GRID1: variants seen among roughly 807,000 people sequenced by gnomAD.
The protein encoded by GRID1 is glutamate receptor ionotropic, delta-1.
In GRID1, 28 loss-of-function variants were observed where a neutral mutation model predicts 98.0. That is an observed-to-expected ratio of 0.29 (90% CI 0.21 to 0.39). GRID1 has a LOEUF of 0.39. Among genes scored for constraint, GRID1 ranks in the 10% least tolerant of loss-of-function variants. The pLI is 1.00. For synonymous variants in GRID1, 553 were observed against 538.5 expected (o/e 1.03, Z -0.37); for missense variants, 1,111 against 1,340.5 (o/e 0.83, Z 2.67).
At chr10:85,995,251 T>A (rs1383408579) in intron 4 of GRID1, among the ~76,000 whole-genome samples, 1 of 152,190 alleles carries the variant, frequency 6.6e-6, no homozygotes, top group African/African-American at 2.4e-5. Flanking sequence ...CGGCCACCTA[T>A]CAGCAATCCT....
chr10:86,030,493 G>A (rs951733762), intron 4 of GRID1, among the ~76,000 whole-genome samples: 7 of 152,230 alleles, frequency 4.6e-5, no homozygotes, highest in African/African-American at 1.7e-4. Context: ...ATGGTTGACA[G>A]CAATCAAACT....
intron 2 of GRID1, among the ~76,000 whole-genome samples, chr10:86,219,205 G>A (rs1027343688): frequency 2.6e-5 from 4 of 152,174 alleles, no homozygotes; most frequent in East Asian, 1.9e-4. Context: ...CCTGCCAATG[G>A]GCAGGTCTAG....
intron 4 of GRID1, among the ~76,000 whole-genome samples, chr10:86,072,721 C>G (rs1019111410): frequency 2.0e-5 from 3 of 152,114 alleles, no homozygotes; most frequent in Non-Finnish European, 4.4e-5. Context: ...CCACCTACCC[C>G]ACCCCTTTCC....
At chr10:86,258,980 C>G (rs1451915484) in intron 2 of GRID1, among the ~76,000 whole-genome samples, 1 of 152,214 alleles carries the variant, frequency 6.6e-6, no homozygotes, top group East Asian at 1.9e-4. Context: ...CAAAACCAGT[C>G]TTAGTTTATG....
At chr10:85,691,836 C>G (rs900734400) in intron 12 of GRID1, among the ~76,000 whole-genome samples, 3 of 152,140 alleles carry the variant, frequency 2.0e-5, no homozygotes, top group African/African-American at 7.2e-5. Flanking sequence ...CTGGGCTTGT[C>G]AGAAGATTGA....
intron 4 of GRID1, among the ~76,000 whole-genome samples, chr10:86,133,138 C>T (rs552377031): frequency 6.6e-6 from 1 of 152,216 alleles, no homozygotes; most frequent in Non-Finnish European, 1.5e-5. Flanking sequence ...CTCTCCCAGA[C>T]TGTTCTGCCA....
intron 4 of GRID1, among the ~76,000 whole-genome samples, chr10:85,999,498 G>A (rs1018505850): frequency 6.6e-6 from 1 of 152,010 alleles, no homozygotes; most frequent in African/African-American, 2.4e-5. Context: ...CAAAACCAAG[G>A]ACAGTACAAA....
At chr10:85,794,576 T>C (rs1211513443) in intron 8 of GRID1, among the ~76,000 whole-genome samples, 3 of 152,242 alleles carry the variant, frequency 2.0e-5, no homozygotes, top group Non-Finnish European at 4.4e-5. Context: ...GTCCAAAGGA[T>C]TGACAGATTG....
chr10:85,721,974 T>C (rs748571483), intron 12 of GRID1, among the ~76,000 whole-genome samples: 3 of 152,156 alleles, frequency 2.0e-5, no homozygotes, highest in Admixed American at 1.3e-4. Flanking sequence ...TTGAGAAAAG[T>C]GGGTAAAGGA....
At chr10:85,965,744 C>A (rs953745427) in intron 4 of GRID1, among the ~76,000 whole-genome samples, 4 of 151,976 alleles carry the variant, frequency 2.6e-5, no homozygotes, top group African/African-American at 9.7e-5. Context: ...ATGTAACAAA[C>A]CTGCGTGTTC....
chr10:86,268,981 C>T (rs557196181), intron 2 of GRID1, among the ~76,000 whole-genome samples: 1 of 151,562 alleles, frequency 6.6e-6, no homozygotes, highest in South Asian at 2.1e-4. Flanking sequence ...CAGAGTGAGA[C>T]TCTGTCTCAA....
intron 5 of GRID1, among the ~76,000 whole-genome samples, chr10:85,901,339 T>A (rs1482782627): frequency 6.6e-6 from 1 of 152,060 alleles, no homozygotes; most frequent in Non-Finnish European, 1.5e-5. Context: ...CTCTGCCTCA[T>A]GGGTTCACGC....
At chr10:85,792,959 C>A (rs1842494437) in intron 8 of GRID1, among the ~76,000 whole-genome samples, 1 of 152,218 alleles carries the variant, frequency 6.6e-6, no homozygotes, top group African/African-American at 2.4e-5. Flanking sequence ...CAGATGCCTA[C>A]TCCGATGTCA....
chr10:85,635,640 G>T (rs1843030286), intron 13 of GRID1, among the ~76,000 whole-genome samples: 1 of 152,168 alleles, frequency 6.6e-6, no homozygotes, highest in Non-Finnish European at 1.5e-5. Flanking sequence ...TAAAAGGCAG[G>T]CCTCACTCTA....
chr10:86,101,975 G>A (rs150947376), intron 4 of GRID1, among the ~76,000 whole-genome samples: 5 of 152,264 alleles, frequency 3.3e-5, no homozygotes, highest in East Asian at 1.9e-4. Context: ...TCCAGTTTGC[G>A]GTTATTACAA....
intron 4 of GRID1, among the ~76,000 whole-genome samples, chr10:85,951,578 T>TC (rs1842126472): frequency 1.3e-5 from 2 of 152,170 alleles, no homozygotes; most frequent in South Asian, 4.1e-4. Flanking sequence ...TGCTCCCAGG[T>TC]CAAGCCACCC....
chr10:86,265,492 G>A (rs1263742899), intron 2 of GRID1, among the ~76,000 whole-genome samples: 1 of 152,208 alleles, frequency 6.6e-6, no homozygotes, highest in Non-Finnish European at 1.5e-5. Flanking sequence ...CTATTAAGTG[G>A]CCCAGCGTGG....
In GRID1 at chr10:85,842,587, A is replaced by G. The variant is rs112098946; in HGVS notation, c.1233+11909T>C. On this transcript the variant is annotated intron_variant, in intron 8 of 15. Coordinates refer to ENST00000327946, the MANE Select transcript of GRID1 (RefSeq NM_017551.3). ...CACAAGAGATACTATTACAGATGCT[A>G]TAGCCATTTGAACAATAAAAGAAAA... Among the ~76,000 whole-genome samples the G allele has an allele frequency of 5.7e-3, 867 of 152,232 alleles. 7 individuals are homozygous for G. Among genetic ancestry groups the G allele is most frequent in the African/African-American group, 0.02 (815 of 41,574 alleles).
chr10:85,618,769 G>A (rs114429078), intron 14 of GRID1, among the ~76,000 whole-genome samples: 2 of 152,282 alleles, frequency 1.3e-5, no homozygotes, highest in African/African-American at 4.8e-5. Context: ...GGTGCTTGGA[G>A]ATCCAGCAGC....
Sources: gnomAD v4.1 joint callset for allele counts (sites outside exome capture counted in the v4.1 genomes callset) on GRCh38, gnomAD v4.1.1 for gene constraint, MANE v1.5 for transcripts, NCBI Gene and HGNC (gene_info 2026-07-23, HGNC 2026-07-21) for gene names.